FGD4: variants seen among roughly 807,000 people sequenced by gnomAD.
The protein encoded by FGD4 is FYVE, RhoGEF and PH domain containing 4, also known as FYVE, RhoGEF and PH domain-containing protein 4.
In FGD4, 42 loss-of-function variants were observed where a neutral mutation model predicts 102.0. That is an observed-to-expected ratio of 0.41 (90% CI 0.32 to 0.53). FGD4 has a LOEUF of 0.53. Among genes scored for constraint, FGD4 ranks in the 20% least tolerant of loss-of-function variants. The pLI, the probability that FGD4 is intolerant of heterozygous loss-of-function variation, is 0.21. For synonymous variants in FGD4, 380 were observed against 375.7 expected (o/e 1.01, Z -0.13); for missense variants, 902 against 1,078.2 (o/e 0.84, Z 2.29).
chr12:32,466,598 T>C (rs963574382), intron 1 of FGD4, among the ~76,000 whole-genome samples: 22 of 152,018 alleles, frequency 1.4e-4, no homozygotes, highest in African/African-American at 5.1e-4. Flanking sequence ...CCGGGCGCGG[T>C]GGCTCACAGC....
Position 32,604,936 on chromosome 12 carries a change from C to CTTTTTTTTTTTTTTTTTTTTTT in FGD4, c.1404+2638_1404+2639insTTTTTTTTTTTTTTTTTTTTTT, listed in dbSNP as rs575943561. Reference sequence around the variant, plus strand: ...TCAATTTTATCTAGCTTTATAGCTGCTTTTTTTTTTTTTTTTTTTGGAGTT... The same window carrying CTTTTTTTTTTTTTTTTTTTTTT: ...TCAATTTTATCTAGCTTTATAGCTGCTTTTTTTTTTTTTTTTTTTTTTTTTTTTTTTTTTTTTTTTTGGAGTT... On this transcript the variant is annotated intron_variant, in intron 7 of 16. Transcript: ENST00000534526. Among the ~76,000 whole-genome samples, 10 of 94,524 alleles carry CTTTTTTTTTTTTTTTTTTTTTT rather than the reference C, an allele frequency of 1.1e-4. 2 individuals carry two copies. Among genetic ancestry groups the CTTTTTTTTTTTTTTTTTTTTTT allele is most frequent in the African/African-American group, 4.0e-4 (8 of 20,026 alleles). The allele number at this position is 94,524 out of a possible 152,430, so 62.0% of individuals were successfully genotyped here. A position where few individuals can be genotyped will look rare whatever the true frequency, so the allele number is the denominator to read the frequency against.
chr12:32,624,442 A>G lies in FGD4; in HGVS notation c.1943A>G (p.Glu648Gly). The G allele has an allele frequency of 1.2e-6, 2 of 1,602,686 alleles. No individual in the cohort carries two copies. Among genetic ancestry groups the G allele is most frequent in the Non-Finnish European group, 1.7e-6 (2 of 1,171,826 alleles). The change falls in exon 12 of 17, where the codon GAA becomes GGA. Residue 648 changes from glutamate to glycine, a missense_variant. Transcript: ENST00000534526. ...TTTAGTTCTGCGCAAGACAAAGAAG[A>G]ATGGATCAAGGTAAGCCTCATTTCT... is the stretch of plus-strand genomic sequence containing the variant. ...LQASSAQDKEEWIKALQETID... is the reference protein window; with the variant it reads ...LQASSAQDKEGWIKALQETID...
chr12:32,528,395 A>G (rs1450825075), intron 1 of FGD4, among the ~76,000 whole-genome samples: 1 of 149,926 alleles, frequency 6.7e-6, no homozygotes, highest in East Asian at 2.0e-4. Flanking sequence ...CCTCCCTTAC[A>G]CTTTTTTTTT....
chr12:32,569,969 G>T (rs11052082), intron 2 of FGD4, among the ~76,000 whole-genome samples: 1 of 152,006 alleles, frequency 6.6e-6, no homozygotes, highest in African/African-American at 2.4e-5. Flanking sequence ...CAAGCTGGGC[G>T]TGGTGGCTCA....
At chr12:32,444,394 A>AT (rs796094458) in intron 1 of FGD4, among the ~76,000 whole-genome samples, 300 of 151,140 alleles carry the variant, frequency 2.0e-3, no homozygotes, top group African/African-American at 6.5e-4. Context: ...GAATTAAGCA[A>AT]TTTTTTTTTG....
At chr12:32,502,569 G>A (rs1006346438) in intron 1 of FGD4, among the ~76,000 whole-genome samples, 3 of 152,122 alleles carry the variant, frequency 2.0e-5, no homozygotes, top group Admixed American at 2.0e-4. Context: ...TTGTGAAATT[G>A]TTTTATGACT....
chr12:32,514,300 T>C (rs1261213904), intron 1 of FGD4, among the ~76,000 whole-genome samples: 1 of 152,182 alleles, frequency 6.6e-6, no homozygotes, highest in Admixed American at 6.5e-5. Flanking sequence ...AAGATGTTGG[T>C]TTTCTTTTTT....
intron 1 of FGD4, among the ~76,000 whole-genome samples, chr12:32,483,068 T>G (rs1943806814): frequency 1.3e-5 from 2 of 152,230 alleles, no homozygotes; most frequent in South Asian, 4.1e-4. Context: ...AAAATATAAA[T>G]AGCTTAGTGT....
intron 1 of FGD4, among the ~76,000 whole-genome samples, chr12:32,440,472 T>G (rs1352191807): frequency 6.6e-6 from 1 of 152,222 alleles, no homozygotes; most frequent in Non-Finnish European, 1.5e-5. Context: ...CAGAGACTCC[T>G]GTTGTCTTCC....
chr12:32,573,863 G>C (rs193075845), intron 2 of FGD4, among the ~76,000 whole-genome samples: 1 of 152,236 alleles, frequency 6.6e-6, no homozygotes, highest in Non-Finnish European at 1.5e-5. Context: ...CCAAACATTT[G>C]CCAAACATAA....
intron 1 of FGD4, among the ~76,000 whole-genome samples, chr12:32,497,810 C>T (rs1396335532): frequency 6.6e-6 from 1 of 152,164 alleles, no homozygotes; most frequent in East Asian, 1.9e-4. Flanking sequence ...TTCAGTCATG[C>T]CACACGTAAG....
chr12:32,400,522 C>T (rs576988586), intron 1 of FGD4, among the ~76,000 whole-genome samples: 15 of 152,294 alleles, frequency 9.8e-5, no homozygotes, highest in African/African-American at 3.1e-4. Flanking sequence ...TTAATAGGTT[C>T]AGATGTCAGT....
At chr12:32,492,088 A>G (rs1485603398) in intron 1 of FGD4, among the ~76,000 whole-genome samples, 1 of 152,244 alleles carries the variant, frequency 6.6e-6, no homozygotes, top group African/African-American at 2.4e-5. Flanking sequence ...ACTCTGGACA[A>G]TGAATTAGCT....
chr12:32,414,818 G>C (rs1394189965), intron 1 of FGD4, among the ~76,000 whole-genome samples: 3 of 151,986 alleles, frequency 2.0e-5, no homozygotes, highest in African/African-American at 7.3e-5. Context: ...TTTATTGTTT[G>C]TTCTAATTTT....
intron 1 of FGD4, 41 bp from the exon 2 acceptor site, chr12:32,564,096 G>A (rs1434665608): frequency 2.0e-6 from 3 of 1,519,196 alleles, no homozygotes; most frequent in Non-Finnish European, 2.6e-6. Context: ...ATTGTGATAT[G>A]CCTCCATACT....
chr12:32,534,527 A>G, intron 1 of FGD4: 1 of 1,408,608 alleles, frequency 7.1e-7, no homozygotes, highest in Non-Finnish European at 9.4e-7. Context: ...TAGTAGATAT[A>G]TTTTTTTCTT....
At chr12:32,454,858 AT>A in intron 1 of FGD4, among the ~76,000 whole-genome samples, 1 of 152,194 alleles carries the variant, frequency 6.6e-6, no homozygotes, top group South Asian at 2.1e-4. Context: ...GTATCCTGTG[AT>A]TTTTAAATTT....
chr12:32,583,779 C>T (rs1476337227), intron 4 of FGD4, among the ~76,000 whole-genome samples: 1 of 152,140 alleles, frequency 6.6e-6, no homozygotes, highest in African/African-American at 2.4e-5. Flanking sequence ...TTATCTGAAA[C>T]AGTAAAGAAA....
chr12:32,583,166 A>G (rs1946748171), intron 4 of FGD4, among the ~76,000 whole-genome samples: 2 of 152,106 alleles, frequency 1.3e-5, no homozygotes, highest in African/African-American at 2.4e-5. Context: ...GTGAGAGCCC[A>G]TATCTACAAA....
Sources: allele counts gnomAD v4.1 joint callset (sites outside exome capture counted in the v4.1 genomes callset), GRCh38; gene constraint gnomAD v4.1.1; transcripts MANE v1.5; gene names NCBI Gene and HGNC (gene_info 2026-07-23, HGNC 2026-07-21).